MID1: variants seen among roughly 807,000 people sequenced by gnomAD.
MID1 encodes the protein E3 ubiquitin-protein ligase Midline-1.
In MID1, 7 loss-of-function variants were observed where a neutral mutation model predicts 40.4. The ratio of observed to expected loss-of-function variants is 0.17; its 90% confidence interval spans 0.10 to 0.33. The LOEUF (loss-of-function observed/expected upper bound fraction) is 0.33, where lower values mean the gene tolerates loss of function less well. Ranked by LOEUF, MID1 falls within the 10% of genes least tolerant of loss-of-function variation. MID1 has a pLI of 1.00. For missense variants in MID1, 367 were observed against 558.5 expected (o/e 0.66, Z 3.46); for synonymous variants, 229 against 221.2 (o/e 1.04, Z -0.31).
At chrX:10,697,656 AT>A (rs755415735) in intron 1 of MID1, among the ~76,000 whole-genome samples, 127 of 111,815 alleles carry the variant, frequency 1.1e-3, no homozygotes, top group Non-Finnish European at 1.8e-3. Flanking sequence ...CTCTTTCTAA[AT>A]ATCTGGCATG....
chrX:10,727,458 A>C (rs1173365099), intron 1 of MID1, among the ~76,000 whole-genome samples: 1 of 112,828 alleles, frequency 8.9e-6, no homozygotes, highest in African/African-American at 3.2e-5. Context: ...TTGAATTATA[A>C]AGGATTAGTC....
intron 1 of MID1, among the ~76,000 whole-genome samples, chrX:10,687,498 C>A (rs1425859581): frequency 2.7e-5 from 3 of 112,029 alleles, no homozygotes; most frequent in African/African-American, 6.5e-5. Flanking sequence ...TTACAGGCAG[C>A]CAAATGTAGT....
chrX:10,531,969 A>G (rs1457017422), intron 2 of MID1, among the ~76,000 whole-genome samples: 2 of 112,566 alleles, frequency 1.8e-5, no homozygotes, highest in African/African-American at 6.5e-5. Context: ...CTTAAAAACA[A>G]TGATCTCAGT....
At chrX:10,592,167 G>A (rs1935317923) in intron 1 of MID1, among the ~76,000 whole-genome samples, 1 of 104,338 alleles carries the variant, frequency 9.6e-6, no homozygotes, top group South Asian at 4.5e-4. Context: ...GTGTGTGTGT[G>A]TGTATATGTG....
At chrX:10,582,650 A>C (rs1253493691) in intron 1 of MID1, among the ~76,000 whole-genome samples, 1 of 112,139 alleles carries the variant, frequency 8.9e-6, no homozygotes, top group Non-Finnish European at 1.9e-5. Context: ...CCACCCTCTG[A>C]CATCAGCTGT....
At chrX:10,774,870 CTTT>C (rs1398240012) in intron 1 of MID1, among the ~76,000 whole-genome samples, 1 of 111,434 alleles carries the variant, frequency 9.0e-6, no homozygotes, top group Admixed American at 9.6e-5. Context: ...GCGTTCTTGG[CTTT>C]TTATTATATC....
At chrX:10,806,169 AT>A (rs1288793675) in intron 1 of MID1, among the ~76,000 whole-genome samples, 2 of 110,129 alleles carry the variant, frequency 1.8e-5, no homozygotes, top group Non-Finnish European at 3.8e-5. Flanking sequence ...CTGAATGGTA[AT>A]GCCTAGGTTT....
intron 1 of MID1, among the ~76,000 whole-genome samples, chrX:10,595,165 G>A (rs1480630619): frequency 1.8e-5 from 2 of 111,539 alleles, no homozygotes; most frequent in African/African-American, 3.3e-5. Context: ...ACATGGCAGA[G>A]ACCAGTTTAG....
chrX:10,723,274 T>C (rs1420533586), intron 1 of MID1, among the ~76,000 whole-genome samples: 1 of 111,920 alleles, frequency 8.9e-6, no homozygotes, highest in East Asian at 2.8e-4. Flanking sequence ...GCTGAATTTT[T>C]CCAGGGCCGA....
intron 2 of MID1, among the ~76,000 whole-genome samples, chrX:10,563,937 G>A (rs186010701): frequency 2.8e-4 from 31 of 112,462 alleles, no homozygotes; most frequent in African/African-American, 1.0e-3. Context: ...GTCCCCCAAA[G>A]TTTAGTATTA....
chrX:10,582,681 A>G (rs1441149157), intron 1 of MID1: 3 of 112,197 alleles, frequency 2.7e-5, no homozygotes, highest in African/African-American at 9.7e-5. Context: ...AAATTGGCAG[A>G]AAGCAGGTAA....
At chrX:10,536,830 T>C (rs897943926) in intron 2 of MID1, among the ~76,000 whole-genome samples, 4 of 112,429 alleles carry the variant, frequency 3.6e-5, no homozygotes, top group Admixed American at 2.8e-4. Context: ...TTCCCTTTCT[T>C]GTGGACATTT....
chrX:10,613,186 C>T (rs985362713), intron 1 of MID1, among the ~76,000 whole-genome samples: 1 of 111,527 alleles, frequency 9.0e-6, no homozygotes, highest in African/African-American at 3.3e-5. Context: ...ACAACCAAAG[C>T]AACACTCCAA....
intron 1 of MID1, among the ~76,000 whole-genome samples, chrX:10,714,860 T>G (rs751818446): frequency 3.6e-5 from 4 of 112,148 alleles, no homozygotes; most frequent in South Asian, 3.7e-4. Flanking sequence ...AGTGACAATA[T>G]GTAGAATGCC....
intron 3 of MID1, among the ~76,000 whole-genome samples, chrX:10,509,178 GAA>G (rs201604541): frequency 0.014 from 1,594 of 111,597 alleles, 21 homozygotes; most frequent in South Asian, 0.028. Flanking sequence ...ATCTGATCTG[GAA>G]GAGAAAAGGA....
intron 1 of MID1, among the ~76,000 whole-genome samples, chrX:10,761,902 T>C (rs113030038): frequency 0.06 from 6,746 of 111,962 alleles, 518 homozygotes; most frequent in African/African-American, 0.21. Flanking sequence ...AGTTTTAAAT[T>C]TGATATAATG....
intron 1 of MID1, among the ~76,000 whole-genome samples, chrX:10,680,804 G>T (rs2043053921): frequency 9.1e-6 from 1 of 110,024 alleles, no homozygotes; most frequent in Admixed American, 9.8e-5. Context: ...AGAGGCTAAG[G>T]TGAGCCGATT....
intron 1 of MID1, among the ~76,000 whole-genome samples, chrX:10,590,074 C>CA (rs1292285585): frequency 5.4e-5 from 6 of 110,458 alleles, no homozygotes; most frequent in Non-Finnish European, 1.1e-4. Context: ...GCTGCATGCA[C>CA]TGGTGGTTAG....
At chrX:10,656,375 T>C (rs747192113) in intron 1 of MID1, among the ~76,000 whole-genome samples, 3 of 112,124 alleles carry the variant, frequency 2.7e-5, no homozygotes, top group Admixed American at 1.9e-4. Flanking sequence ...ACCTGTCAGG[T>C]TGGCCCCCTT....
Sources: allele counts gnomAD v4.1 joint callset (sites outside exome capture counted in the v4.1 genomes callset), GRCh38; gene constraint gnomAD v4.1.1; transcripts MANE v1.5; gene names NCBI Gene and HGNC (gene_info 2026-07-23, HGNC 2026-07-21).